The following AGO3 variants were observed in gnomAD, a reference collection of about 807,000 sequenced individuals.
The protein encoded by AGO3 is protein argonaute-3.
A neutral mutation model predicts 105.5 loss-of-function variants in AGO3; 16 were observed. The observed-to-expected ratio is 0.15, with a 90% CI of 0.10 to 0.23. AGO3 has a LOEUF of 0.23. Among genes scored for constraint, AGO3 ranks in the 10% least tolerant of loss-of-function variants. AGO3 has a pLI of 1.00. For missense variants in AGO3, 534 were observed against 1,088.0 expected (o/e 0.49, Z 7.16); for synonymous variants, 340 against 367.3 (o/e 0.93, Z 0.85).
At position 36,038,456 on chromosome 1, in the gene AGO3, T is replaced by C. The variant is rs539927190; in HGVS notation, c.1843-1334T>C. ...ATTTTTAGTAGAGACGGGGTTTCAC[T>C]GTGTTAGCCAGGATGGTCTTGATCT... is the stretch of plus-strand genomic sequence containing the variant. On this transcript the variant is annotated intron_variant, in intron 14 of 18. Coordinates refer to ENST00000373191, the MANE Select transcript of AGO3 (RefSeq NM_024852.4). Among the ~76,000 whole-genome samples the C allele has an allele frequency of 1.4e-4, 22 of 152,022 alleles. No individual in the cohort carries two copies. In the South Asian group the frequency reaches 3.1e-3, roughly 22 times the overall value.
chr1:35,949,293 A>G (rs1646427018), intron 2 of AGO3, among the ~76,000 whole-genome samples: 1 of 152,238 alleles, frequency 6.6e-6, no homozygotes, highest in South Asian at 2.1e-4. Flanking sequence ...AAAATCATAT[A>G]AATCAGCTTT....
chr1:35,981,559 A>T (rs1046635717), intron 5 of AGO3, among the ~76,000 whole-genome samples: 1 of 152,200 alleles, frequency 6.6e-6, no homozygotes, highest in Non-Finnish European at 1.5e-5. Context: ...CCTGCCTCAA[A>T]TGTTAACAAT....
At chr1:35,951,020 A>G (rs542153328) in intron 2 of AGO3, among the ~76,000 whole-genome samples, 10 of 151,756 alleles carry the variant, frequency 6.6e-5, no homozygotes, top group African/African-American at 1.7e-4. Flanking sequence ...GCAATGGCAC[A>G]TTCTCAGCTC....
At chr1:36,045,166 A>T (rs1022134585) in intron 17 of AGO3, among the ~76,000 whole-genome samples, 3 of 152,172 alleles carry the variant, frequency 2.0e-5, no homozygotes, top group African/African-American at 4.8e-5. Flanking sequence ...AAGATGGCTG[A>T]CTAGAAGCCC....
Position 36,056,655 on chromosome 1 carries a change from A to C in AGO3, c.*910A>C, listed in dbSNP as rs1642925414. 1 of 151,686 alleles carries C rather than the reference A, an allele frequency of 6.6e-6. No homozygotes were observed. The highest frequency in any genetic ancestry group is 2.1e-4 in the South Asian group (1 of 4,778). 9.4% of individuals were successfully genotyped at this position (151,686 alleles called of 1,614,324 possible). A position where few individuals can be genotyped will look rare whatever the true frequency, so the allele number is the denominator to read the frequency against. Reference sequence around the variant, plus strand: ...TGTGAGAGTGCGTCTCTCCCCTCCCACTCAGAACATACATTTACCATTTGC... The same window carrying C: ...TGTGAGAGTGCGTCTCTCCCCTCCCCCTCAGAACATACATTTACCATTTGC... On this transcript the variant is annotated 3_prime_UTR_variant, in exon 19 of 19. Coordinates refer to ENST00000373191, the MANE Select transcript of AGO3 (RefSeq NM_024852.4).
chr1:36,051,103 C>G (rs1642699599), intron 17 of AGO3, among the ~76,000 whole-genome samples: 1 of 152,154 alleles, frequency 6.6e-6, no homozygotes, highest in Non-Finnish European at 1.5e-5. Context: ...ATGTTAGCCA[C>G]TGCACCCAGC....
At chr1:35,991,778 G>C (rs1477468366) in intron 5 of AGO3, among the ~76,000 whole-genome samples, 1 of 152,000 alleles carries the variant, frequency 6.6e-6, no homozygotes, top group African/African-American at 2.4e-5. Flanking sequence ...CACAGATGCA[G>C]TATCCTCTCT....
At chr1:36,004,127 A>G (rs1472239859) in intron 5 of AGO3, 3 of 422,732 alleles carry the variant, frequency 7.1e-6, no homozygotes, top group Non-Finnish European at 8.4e-6. Context: ...ACTTACGATG[A>G]AAGAGATAGA....
At chr1:36,015,870 A>C (rs909478451) in intron 11 of AGO3, among the ~76,000 whole-genome samples, 3 of 152,238 alleles carry the variant, frequency 2.0e-5, no homozygotes, top group Non-Finnish European at 4.4e-5. Context: ...TAAAATAAAA[A>C]CTTCAGACAA....
intron 14 of AGO3, among the ~76,000 whole-genome samples, chr1:36,039,291 C>A (rs1642146535): frequency 6.6e-6 from 1 of 151,960 alleles, no homozygotes; most frequent in Non-Finnish European, 1.5e-5. Context: ...GTCAAGATAT[C>A]AAGACCATCC....
intron 5 of AGO3, among the ~76,000 whole-genome samples, chr1:35,990,277 G>A (rs985991322): frequency 2.6e-5 from 4 of 152,112 alleles, no homozygotes; most frequent in Non-Finnish European, 5.9e-5. Flanking sequence ...GGGAGGCCGA[G>A]GGGGGTGGAT....
chr1:36,054,260 T>G (rs999571486), intron 17 of AGO3, among the ~76,000 whole-genome samples: 8 of 152,190 alleles, frequency 5.3e-5, no homozygotes, highest in African/African-American at 1.9e-4. Context: ...TTTTCTATTT[T>G]ATTTTATTTC....
chr1:35,982,436 CAG>C (rs533462180), intron 5 of AGO3, among the ~76,000 whole-genome samples: 167 of 152,144 alleles, frequency 1.1e-3, no homozygotes, highest in Admixed American at 2.1e-3. Context: ...AAAAAAGCAT[CAG>C]TGACATAAGC....
At chr1:36,046,127 G>C (rs1247588340) in intron 17 of AGO3, among the ~76,000 whole-genome samples, 1 of 152,134 alleles carries the variant, frequency 6.6e-6, no homozygotes, top group Admixed American at 6.6e-5. Context: ...TCCCATCTTG[G>C]GGAGTTGCCT....
At chr1:35,936,043 C>T (rs560293487) in intron 1 of AGO3, among the ~76,000 whole-genome samples, 22 of 152,248 alleles carry the variant, frequency 1.4e-4, no homozygotes, top group Non-Finnish European at 2.9e-4. Context: ...ACCAGACATT[C>T]CTACCTTCTA....
rs76373757 is a variant in AGO3, at chr1:35,942,655, A to G, written c.20-3037A>G. Among the ~76,000 whole-genome samples, 362 of 152,264 alleles carry G rather than the reference A, an allele frequency of 2.4e-3. 2 individuals are homozygous for G. The highest frequency in any genetic ancestry group is 8.2e-3 in the African/African-American group (339 of 41,556). ...TAATTTATTGTTTGAATTTTGATTAACAAAGCTGTATTTTGAGCTTCAAAA... is the reference window on the plus strand; with the variant it reads ...TAATTTATTGTTTGAATTTTGATTAGCAAAGCTGTATTTTGAGCTTCAAAA... On this transcript the variant is annotated intron_variant, in intron 1 of 18. Transcript: ENST00000373191.
intron 5 of AGO3, among the ~76,000 whole-genome samples, chr1:35,987,589 G>A (rs1441746697): frequency 2.6e-5 from 4 of 151,776 alleles, no homozygotes; most frequent in African/African-American, 7.3e-5. Flanking sequence ...AAAACAGATG[G>A]GACAAATACA....
At chr1:36,022,033 G>T (rs375894786) in intron 11 of AGO3, among the ~76,000 whole-genome samples, 2 of 148,198 alleles carry the variant, frequency 1.3e-5, no homozygotes, top group South Asian at 4.3e-4. Context: ...ATAGGCATCC[G>T]CATCCTTGGA....
rs1640496253 is a variant in AGO3 at position 36,009,602 on chromosome 1, CTT to C, written c.1149+9_1149+10del. The C allele has an allele frequency of 6.2e-7, 1 of 1,604,266 alleles. No individual in the cohort carries two copies. Among genetic ancestry groups the C allele is most frequent in the Non-Finnish European group, 8.5e-7 (1 of 1,177,384 alleles). On this transcript the variant is annotated intron_variant, in intron 9 of 18. Transcript: ENST00000373191. ...GAGGAAATTAGCAGATTGGTTAGTA[CTT>C]AACCTTAGAAATGAGAATTTAAAAC...
Sources: gnomAD v4.1 joint callset for allele counts (sites outside exome capture counted in the v4.1 genomes callset) on GRCh38, gnomAD v4.1.1 for gene constraint, MANE v1.5 for transcripts, NCBI Gene and HGNC (gene_info 2026-07-23, HGNC 2026-07-21) for gene names.